Variants in CLIC5 observed in about 807,000 individuals in gnomAD.
CLIC5 encodes chloride intracellular channel protein 5.
Under a neutral mutation model 24.7 loss-of-function variants are expected in CLIC5, and 20 were observed. The ratio of observed to expected loss-of-function variants is 0.81; its 90% CI spans 0.57 to 1.18. The LOEUF is 1.18. Among genes scored for constraint, CLIC5 ranks in the 50% most tolerant of loss-of-function variants. The probability of loss-of-function intolerance (pLI) is 0.00; values close to 1 mark genes in which losing one functional copy is unlikely to be tolerated. For synonymous variants in CLIC5, 159 were observed against 135.6 expected (o/e 1.17, Z -1.20); for missense variants, 341 against 326.1 (o/e 1.05, Z -0.35).
At chr6:46,074,173 A>G in intron 1 of CLIC5, among the ~76,000 whole-genome samples, 1 of 152,252 alleles carries the variant, frequency 6.6e-6, no homozygotes, top group East Asian at 1.9e-4. Context: ...ATATATGTAT[A>G]TACTACTGTA....
the CLIC5 span, among the ~76,000 whole-genome samples, chr6:46,089,545 C>T: frequency 1.8e-4 from 27 of 152,184 alleles, no homozygotes; most frequent in Middle Eastern, 3.4e-3. Context: ...ACTCACACCT[C>T]GCATGCCCAT....
chr6:46,102,842 A>G, the CLIC5 span, among the ~76,000 whole-genome samples: 2 of 152,238 alleles, frequency 1.3e-5, no homozygotes, highest in African/African-American at 4.8e-5. Context: ...GACATAAACT[A>G]AAAGTAAAAA....
chr6:45,994,712 G>T (rs879372768), intron 1 of CLIC5, among the ~76,000 whole-genome samples: 2 of 152,170 alleles, frequency 1.3e-5, no homozygotes, highest in South Asian at 2.1e-4. Context: ...AGTAAAGGAA[G>T]TCCACTGTGT....
At chr6:46,089,122 G>T in the CLIC5 span, among the ~76,000 whole-genome samples, 1 of 152,296 alleles carries the variant, frequency 6.6e-6, no homozygotes, top group East Asian at 1.9e-4. Context: ...GTGGGTAGAA[G>T]TAGGGGACAA....
At chr6:45,976,933 G>T (rs376738619) in intron 1 of CLIC5, among the ~76,000 whole-genome samples, 2 of 152,168 alleles carry the variant, frequency 1.3e-5, no homozygotes, top group African/African-American at 4.8e-5. Flanking sequence ...TATGCAATGT[G>T]CATATTGTCT....
At chr6:46,096,703 T>C in the CLIC5 span, among the ~76,000 whole-genome samples, 6 of 152,206 alleles carry the variant, frequency 3.9e-5, no homozygotes, top group Non-Finnish European at 8.8e-5. Flanking sequence ...TCTTTCTTGA[T>C]TAATGTTGGA....
At chr6:46,080,005 C>G in exon 1 of CLIC5, 1 of 1,551,694 alleles carries the variant, frequency 6.4e-7, no homozygotes, top group Non-Finnish European at 8.7e-7. Context: ...AGGAGGTAGC[C>G]TCTGTCTTCT....
chr6:46,072,575 A>G (rs1202710805), intron 1 of CLIC5, among the ~76,000 whole-genome samples: 1 of 152,166 alleles, frequency 6.6e-6, no homozygotes, highest in Non-Finnish European at 1.5e-5. Context: ...CATTCTTTAG[A>G]AAAAAATATG....
intron 2 of CLIC5, among the ~76,000 whole-genome samples, chr6:45,952,592 G>A (rs1764509552): frequency 6.6e-6 from 1 of 152,188 alleles, no homozygotes. Context: ...GTAGTGCCAG[G>A]AAAATAAATC....
At chr6:46,047,214 G>C (rs1767978350) in intron 1 of CLIC5, among the ~76,000 whole-genome samples, 1 of 152,142 alleles carries the variant, frequency 6.6e-6, no homozygotes. Flanking sequence ...AGTTAAATTA[G>C]GCATATATTT....
At chr6:45,968,842 T>A (rs557092957) in intron 1 of CLIC5, among the ~76,000 whole-genome samples, 1 of 152,320 alleles carries the variant, frequency 6.6e-6, no homozygotes, top group East Asian at 1.9e-4. Context: ...CTGAATTCCC[T>A]GGGTAGCCCT....
At chr6:45,953,669 C>A (rs1019581870) in intron 2 of CLIC5, among the ~76,000 whole-genome samples, 1 of 152,064 alleles carries the variant, frequency 6.6e-6, no homozygotes, top group Non-Finnish European at 1.5e-5. Flanking sequence ...TGGGAAACAT[C>A]AAAGGTTTCC....
intron 5 of CLIC5, chr6:45,911,812 C>A (rs1352155209): frequency 5.3e-5 from 52 of 985,284 alleles, no homozygotes; most frequent in Non-Finnish European, 6.0e-5. Context: ...CCTGCAGATG[C>A]CTCTCCCAAC....
intron 1 of CLIC5, among the ~76,000 whole-genome samples, chr6:46,055,377 A>G (rs1768218401): frequency 6.6e-6 from 1 of 152,122 alleles, no homozygotes; most frequent in Non-Finnish European, 1.5e-5. Context: ...TGCTGGGAAA[A>G]CAGGCGTGAA....
intron 6 of CLIC5, among the ~76,000 whole-genome samples, chr6:45,885,343 A>ACTTC (rs1762296265): frequency 6.6e-6 from 1 of 152,142 alleles, no homozygotes; most frequent in African/African-American, 2.4e-5. Flanking sequence ...CTCATCTTGA[A>ACTTC]CTTCCAGCTT....
chr6:46,084,772 G>A (rs1762996459), upstream of CLIC5, among the ~76,000 whole-genome samples: 2 of 152,140 alleles, frequency 1.3e-5, no homozygotes, highest in African/African-American at 4.8e-5. Flanking sequence ...TTTTCTCGAG[G>A]AGAATCTTTG....
intron 4 of CLIC5, among the ~76,000 whole-genome samples, chr6:45,918,263 A>G (rs1763109339): frequency 1.3e-5 from 2 of 152,216 alleles, no homozygotes; most frequent in South Asian, 4.1e-4. Context: ...TTGATATTAC[A>G]TAAGACCCAA....
chr6:46,032,138 A>G (rs1767521145), intron 1 of CLIC5, among the ~76,000 whole-genome samples: 1 of 152,134 alleles, frequency 6.6e-6, no homozygotes, highest in African/African-American at 2.4e-5. Context: ...CATGGCTGAG[A>G]AGGCCTCAGG....
At chr6:45,881,389 C>G (rs1279070199) in intron 6 of CLIC5, among the ~76,000 whole-genome samples, 2 of 152,100 alleles carry the variant, frequency 1.3e-5, no homozygotes, top group Non-Finnish European at 2.9e-5. Context: ...GGGCTTTTCT[C>G]CCTGGCTGCC....
Sources: allele counts gnomAD v4.1 joint callset (sites outside exome capture counted in the v4.1 genomes callset), GRCh38; gene constraint gnomAD v4.1.1; transcripts MANE v1.5; gene names NCBI Gene and HGNC (gene_info 2026-07-23, HGNC 2026-07-21).